The following PRKCE variants were observed in gnomAD, a reference collection of about 807,000 sequenced individuals.
PRKCE encodes protein kinase C epsilon type.
A neutral mutation model predicts 85.4 loss-of-function variants in PRKCE; 16 were observed. The observed-to-expected ratio is 0.19, with a 90% CI of 0.13 to 0.28. The LOEUF (loss-of-function observed/expected upper bound fraction) is 0.28, where lower values mean the gene tolerates loss of function less well. PRKCE is among the 10% of genes least tolerant of loss of function. PRKCE has a pLI of 1.00. For missense variants in PRKCE, 573 were observed against 975.2 expected, an observed-to-expected ratio of 0.59 and a Z score of 5.49; for synonymous variants, 388 against 371.5, an observed-to-expected ratio of 1.04 and a Z score of -0.51.
intron 2 of PRKCE, among the ~76,000 whole-genome samples, chr2:45,931,738 G>C (rs1699059185): frequency 6.6e-6 from 1 of 151,880 alleles, no homozygotes; most frequent in African/African-American, 2.4e-5. Flanking sequence ...AGAGAGTCTT[G>C]CTCTGCCACC....
In PRKCE at chr2:45,945,369, C is replaced by T. The variant is rs570390210; in HGVS notation, c.413-31060C>T. On this transcript the variant is annotated intron_variant, in intron 2 of 14. Transcript: ENST00000306156. Reference sequence around the variant, plus strand: ...CACATGGCGAGAGCTGAAGCAAGAGCGGGGAGGTGTCATACTCTGTCAAAC... The same window carrying T: ...CACATGGCGAGAGCTGAAGCAAGAGTGGGGAGGTGTCATACTCTGTCAAAC... Among the ~76,000 whole-genome samples the T allele has an allele frequency of 1.2e-4, 18 of 151,462 alleles. No individual in the cohort carries two copies. The East Asian group carries it at 3.1e-3, about 26-fold the overall frequency.
intron 2 of PRKCE, among the ~76,000 whole-genome samples, chr2:45,915,240 T>C (rs1417083098): frequency 6.6e-6 from 1 of 152,212 alleles, no homozygotes; most frequent in Non-Finnish European, 1.5e-5. Flanking sequence ...TGATGATTTT[T>C]TGCAAAATAA....
At chr2:46,101,859 CAAAAAAA>C (rs56811595) in intron 11 of PRKCE, among the ~76,000 whole-genome samples, 140 of 114,084 alleles carry the variant, frequency 1.2e-3, no homozygotes, top group Middle Eastern at 4.5e-3. Flanking sequence ...AACTGGCTTT[CAAAAAAA>C]AAAAAAAAAA....
In PRKCE at chr2:45,939,574, G is replaced by C. The variant is rs568220627; in HGVS notation, c.413-36855G>C. 6.2e-4 allele frequency among the ~76,000 whole-genome samples: 79 copies of C among 127,394 alleles called. 1 individual carries two copies. Among genetic ancestry groups the C allele is most frequent in the East Asian group, 2.1e-3 (10 of 4,812 alleles). 83.6% of individuals were successfully genotyped at this position (127,394 alleles called of 152,430 possible). ...TTAGTTAATGCACTTTTTTTTTTTT[G>C]AGAAGGCGTCTCACTCTATCGCTAG... On this transcript the variant is annotated intron_variant, in intron 2 of 14. Transcript: ENST00000306156.
intron 10 of PRKCE, among the ~76,000 whole-genome samples, chr2:46,028,448 A>G (rs1261043126): frequency 6.6e-6 from 1 of 152,210 alleles, no homozygotes; most frequent in African/African-American, 2.4e-5. Context: ...ATTTTCACCT[A>G]TAAAGTGATG....
chr2:46,052,129 T>C (rs968406508), intron 10 of PRKCE, among the ~76,000 whole-genome samples: 1 of 152,214 alleles, frequency 6.6e-6, no homozygotes, highest in Non-Finnish European at 1.5e-5. Flanking sequence ...TAATCTAAGA[T>C]TGTGTCACTG....
intron 2 of PRKCE, 107 bp from the exon 3 acceptor site, chr2:45,976,322 A>G: frequency 7.5e-6 from 10 of 1,339,334 alleles, no homozygotes; most frequent in Non-Finnish European, 1.0e-5. Context: ...CCTCTCACCC[A>G]CCCCAGCTCC....
intron 11 of PRKCE, among the ~76,000 whole-genome samples, chr2:46,115,487 G>T (rs900011351): frequency 6.6e-6 from 1 of 152,190 alleles, no homozygotes; most frequent in Non-Finnish European, 1.5e-5. Flanking sequence ...GCTGAGAGGG[G>T]TGTAAGGAAC....
chr2:46,003,740 A>G (rs535011333), intron 7 of PRKCE, among the ~76,000 whole-genome samples: 1 of 152,342 alleles, frequency 6.6e-6, no homozygotes, highest in Admixed American at 6.5e-5. Context: ...ACATGGGGTG[A>G]GCTTTGCTTA....
chr2:45,848,389 C>T (rs1362243277), intron 2 of PRKCE, among the ~76,000 whole-genome samples: 1 of 152,114 alleles, frequency 6.6e-6, no homozygotes, highest in Non-Finnish European at 1.5e-5. Context: ...CGGCTTACTG[C>T]AACCTTTGCC....
At chr2:46,028,828 A>G (rs892331961) in intron 10 of PRKCE, among the ~76,000 whole-genome samples, 7 of 152,088 alleles carry the variant, frequency 4.6e-5, no homozygotes, top group African/African-American at 1.7e-4. Context: ...CCACTCCCAC[A>G]GGCCCCAGTG....
intron 1 of PRKCE, among the ~76,000 whole-genome samples, chr2:45,713,729 T>C (rs1456741154): frequency 1.3e-5 from 2 of 152,174 alleles, no homozygotes; most frequent in Non-Finnish European, 1.5e-5. Flanking sequence ...CCACTCATGG[T>C]AAATGAGAAG....
chr2:46,021,399 A>T (rs1032867578), intron 10 of PRKCE, among the ~76,000 whole-genome samples: 2 of 152,158 alleles, frequency 1.3e-5, no homozygotes, highest in Non-Finnish European at 2.9e-5. Flanking sequence ...AAAAGCAGAG[A>T]TATCTGTGAG....
At chr2:45,894,283 T>A (rs1695964011) in intron 2 of PRKCE, among the ~76,000 whole-genome samples, 2 of 151,790 alleles carry the variant, frequency 1.3e-5, no homozygotes, top group Admixed American at 1.3e-4. Flanking sequence ...AAACAGGTTG[T>A]TTAATAAAGG....
chr2:46,157,785 G>A (rs1677361516), intron 13 of PRKCE, among the ~76,000 whole-genome samples: 1 of 152,206 alleles, frequency 6.6e-6, no homozygotes, highest in Non-Finnish European at 1.5e-5. Context: ...GAGGAAGTGA[G>A]GAATCTACTA....
In PRKCE at chr2:46,145,012, G is replaced by A. The variant is rs1675928818; in HGVS notation, c.1593-81G>A. The A allele has an allele frequency of 2.2e-5, 35 of 1,570,286 alleles. No homozygotes were observed. The highest frequency in any genetic ancestry group is 5.1e-5 in the Admixed American group (3 of 59,226). ...ACTTTTTTGCTGGAGATTTCCCTAA[G>A]ATAGGCACATACCTCCAACTCAGGA... is the stretch of plus-strand genomic sequence containing the variant. On this transcript the variant is annotated intron_variant, in intron 11 of 14. Coordinates refer to ENST00000306156, the MANE Select transcript of PRKCE (RefSeq NM_005400.3). This position sits in a 1 kb window ranked among gnomAD's most constrained non-coding sequence, Gnocchi z 4.6.
Position 45,654,520 on chromosome 2 carries a change from C to T in PRKCE, c.348+2072C>T, listed in dbSNP as rs903921229. ...AGTAGGGCCCTCACCGCCTGTTGCC[C>T]ATGGCTTGTCTGATGGGGAGCCGAG... On this transcript the variant is annotated intron_variant, in intron 1 of 14. Transcript: ENST00000306156. 1.1e-4 allele frequency among the ~76,000 whole-genome samples: 16 copies of T among 152,334 alleles called. 1 individual carries two copies. The highest frequency in any genetic ancestry group is 3.1e-4 in the African/African-American group (13 of 41,578).
At chr2:45,859,102 T>C (rs1692935733) in intron 2 of PRKCE, among the ~76,000 whole-genome samples, 1 of 151,822 alleles carries the variant, frequency 6.6e-6, no homozygotes, top group Admixed American at 6.6e-5. Flanking sequence ...AATAGTATCA[T>C]CCTATGTTTC....
chr2:45,967,821 G>A lies in PRKCE; in HGVS notation c.413-8608G>A, dbSNP rs192174721. ...GATAAGATAGGAAAACAGTGGCTCA[G>A]AGATATTAAATGACTTGTTCAAGGA... On this transcript the variant is annotated intron_variant, in intron 2 of 14. Transcript: ENST00000306156. 6.5e-4 allele frequency among the ~76,000 whole-genome samples: 99 copies of A among 152,272 alleles called. 2 individuals carry two copies. Among genetic ancestry groups the A allele is most frequent in the Admixed American group, 6.4e-3 (98 of 15,300 alleles).
Sources: gnomAD v4.1 joint callset for allele counts (sites outside exome capture counted in the v4.1 genomes callset) on GRCh38, gnomAD v4.1.1 for gene constraint, Gnocchi (gnomAD v3.1) non-coding constraint, MANE v1.5 for transcripts, NCBI Gene and HGNC (gene_info 2026-07-23, HGNC 2026-07-21) for gene names.